The following PLCL2 variants were observed in gnomAD, a reference collection of about 807,000 sequenced individuals.
PLCL2 encodes the protein phospholipase C like 2.
PLCL2 carries 4 observed loss-of-function variants against 79.6 expected under a neutral mutation model. That is an observed-to-expected ratio of 0.05 (90% CI 0.02 to 0.11). PLCL2 has a LOEUF of 0.11. Among genes scored for constraint, PLCL2 ranks in the 10% least tolerant of loss-of-function variants. PLCL2 has a pLI of 1.00. For missense variants in PLCL2, 895 were observed against 1,291.0 expected (o/e 0.69, Z 4.70); for synonymous variants, 484 against 457.7 (o/e 1.06, Z -0.73).
intron 4 of PLCL2, among the ~76,000 whole-genome samples, chr3:17,065,943 G>A (rs536676238): frequency 6.6e-6 from 1 of 152,268 alleles, no homozygotes; most frequent in South Asian, 2.1e-4. Flanking sequence ...CCTCCTGACT[G>A]CCAGAAACAT....
intron 1 of PLCL2, among the ~76,000 whole-genome samples, chr3:16,973,330 A>G (rs910184557): frequency 6.7e-6 from 1 of 149,262 alleles, no homozygotes; most frequent in African/African-American, 2.5e-5. Flanking sequence ...TCTGGCTTGT[A>G]GGGTTTCTGC....
intron 3 of PLCL2, among the ~76,000 whole-genome samples, chr3:17,032,539 G>GT (rs1186487177): frequency 6.6e-6 from 1 of 151,908 alleles, no homozygotes; most frequent in Non-Finnish European, 1.5e-5. Context: ...TCTTTGTGCT[G>GT]TTTTTCCTTA....
At chr3:17,060,634 T>G (rs1402944183) in intron 4 of PLCL2, among the ~76,000 whole-genome samples, 1 of 152,194 alleles carries the variant, frequency 6.6e-6, no homozygotes, top group African/African-American at 2.4e-5. Flanking sequence ...AAATTATACA[T>G]ATTCTTATAA....
intron 1 of PLCL2, among the ~76,000 whole-genome samples, chr3:16,947,269 T>TGCAA (rs1470516724): frequency 1.3e-5 from 2 of 152,106 alleles, no homozygotes; most frequent in Non-Finnish European, 2.9e-5. Context: ...TTCTTATGAG[T>TGCAA]CATCATTATT....
chr3:16,923,839 T>A (rs1449891957), intron 1 of PLCL2, among the ~76,000 whole-genome samples: 1 of 152,176 alleles, frequency 6.6e-6, no homozygotes, highest in Non-Finnish European at 1.5e-5. Flanking sequence ...GATTGGGTAA[T>A]CTCAAGTGAC....
chr3:16,976,981 A>C (rs1211089320), intron 1 of PLCL2, among the ~76,000 whole-genome samples: 1 of 152,152 alleles, frequency 6.6e-6, no homozygotes, highest in East Asian at 1.9e-4. Context: ...ACATCTGTTC[A>C]TTTTGGTAGT....
In PLCL2 at chr3:16,887,797, TA is replaced by T. The variant is rs34561965; in HGVS notation, c.327+2442del. Among the ~76,000 whole-genome samples, 129 of 146,878 alleles carry T rather than the reference TA, an allele frequency of 8.8e-4. 1 individual carries two copies. Among genetic ancestry groups the T allele is most frequent in the African/African-American group, 1.4e-3 (56 of 40,326 alleles). ...GCAGAAATTATGTTTCACTTTTGTTTAAAAAAAAAAAGAATAAAAAGCTAAA... is the reference window on the plus strand; with the variant it reads ...GCAGAAATTATGTTTCACTTTTGTTTAAAAAAAAAAGAATAAAAAGCTAAA... On this transcript the variant is annotated intron_variant, in intron 1 of 5. Coordinates refer to ENST00000615277, the MANE Select transcript of PLCL2 (RefSeq NM_001144382.2). The surrounding 1 kb of genome is among the most constrained non-coding windows in gnomAD (Gnocchi z 4.1).
At chr3:17,059,574 G>A in intron 4 of PLCL2, among the ~76,000 whole-genome samples, 1 of 151,796 alleles carries the variant, frequency 6.6e-6, no homozygotes, top group Admixed American at 6.6e-5. Context: ...GATCTTACAT[G>A]CATATATAGA....
intron 1 of PLCL2, among the ~76,000 whole-genome samples, chr3:16,901,727 T>C (rs925782903): frequency 2.0e-5 from 3 of 152,260 alleles, no homozygotes; most frequent in South Asian, 4.1e-4. Context: ...TCTCACGTTC[T>C]AAAAAACAAG....
chr3:16,920,261 G>A (rs779125329), intron 1 of PLCL2, among the ~76,000 whole-genome samples: 1 of 151,900 alleles, frequency 6.6e-6, no homozygotes, highest in Non-Finnish European at 1.5e-5. Flanking sequence ...AGGCAACAGA[G>A]GATATTATTT....
chr3:16,968,891 A>G (rs1049424747), intron 1 of PLCL2, among the ~76,000 whole-genome samples: 6 of 152,320 alleles, frequency 3.9e-5, no homozygotes, highest in African/African-American at 1.2e-4. Flanking sequence ...GGTTTGTTAT[A>G]GATGGCTGTT....
intron 1 of PLCL2, among the ~76,000 whole-genome samples, chr3:16,967,251 A>G (rs1213167750): frequency 6.6e-6 from 1 of 152,260 alleles, no homozygotes; most frequent in East Asian, 1.9e-4. Context: ...TCTCTATGGT[A>G]GAACAATTTG....
intron 1 of PLCL2, among the ~76,000 whole-genome samples, chr3:16,904,924 C>T (rs569827027): frequency 6.6e-6 from 1 of 152,272 alleles, no homozygotes; most frequent in East Asian, 1.9e-4. Flanking sequence ...GAGGCCTTCC[C>T]AGCCCTGCAG....
At chr3:16,919,292 C>T (rs1054841558) in intron 1 of PLCL2, among the ~76,000 whole-genome samples, 14 of 152,074 alleles carry the variant, frequency 9.2e-5, no homozygotes, top group Non-Finnish European at 1.5e-5. Context: ...GGAATTTGTC[C>T]ATTTCGCCTA....
intron 4 of PLCL2, among the ~76,000 whole-genome samples, chr3:17,045,475 G>A (rs539733920): frequency 2.8e-4 from 43 of 152,102 alleles, no homozygotes; most frequent in African/African-American, 1.0e-3. Flanking sequence ...GGCAGGAGAG[G>A]AATGCTGAGA....
chr3:17,028,097 CT>C (rs1481581385), intron 3 of PLCL2, among the ~76,000 whole-genome samples: 1 of 152,162 alleles, frequency 6.6e-6, no homozygotes, highest in Non-Finnish European at 1.5e-5. Flanking sequence ...AATAGTACTC[CT>C]TCTCTCAGCC....
chr3:16,946,276 G>A (rs138699239), intron 1 of PLCL2, among the ~76,000 whole-genome samples: 1 of 152,190 alleles, frequency 6.6e-6, no homozygotes, highest in African/African-American at 2.4e-5. Flanking sequence ...CTTTCCCAGT[G>A]CTTCATTGGG....
intron 1 of PLCL2, among the ~76,000 whole-genome samples, chr3:16,965,414 G>T (rs1399527392): frequency 1.3e-5 from 2 of 152,066 alleles, no homozygotes; most frequent in African/African-American, 4.8e-5. Context: ...TGCTGTTTTG[G>T]TTACTGTAGC....
intron 2 of PLCL2, 95 bp from the exon 3 acceptor site, chr3:17,014,613 G>T: frequency 3.2e-6 from 3 of 928,256 alleles, no homozygotes; most frequent in Admixed American, 1.9e-5. Context: ...TTTGTACCAG[G>T]TGGTTCAAGC....
Sources: gnomAD v4.1 joint callset for allele counts (sites outside exome capture counted in the v4.1 genomes callset) on GRCh38, gnomAD v4.1.1 for gene constraint, Gnocchi (gnomAD v3.1) non-coding constraint, MANE v1.5 for transcripts, NCBI Gene and HGNC (gene_info 2026-07-23, HGNC 2026-07-21) for gene names.